Variants in ARHGEF10 observed in about 807,000 individuals in gnomAD.
ARHGEF10 encodes Rho guanine nucleotide exchange factor (GEF) 10.
A neutral mutation model predicts 147.4 loss-of-function variants in ARHGEF10; 140 were observed. That is an observed-to-expected ratio of 0.95 (90% CI 0.83 to 1.09). ARHGEF10 has a LOEUF of 1.09. Ranked by LOEUF, ARHGEF10 falls within the 50% of genes least tolerant of loss-of-function variation. The pLI is 0.00. For synonymous variants in ARHGEF10, 902 were observed against 695.8 expected, an observed-to-expected ratio of 1.30 and a Z score of -4.67; for missense variants, 2,222 against 1,752.7, an observed-to-expected ratio of 1.27 and a Z score of -4.78.
At chr8:1,896,548 C>T in intron 14 of ARHGEF10, 99 bp downstream of exon 14, 1 of 883,634 alleles carries the variant, frequency 1.1e-6, no homozygotes, top group Non-Finnish European at 1.9e-6. Context: ...ATTAAGATTT[C>T]AGTATCAATA....
chr8:1,859,846 T>A, intron 3 of ARHGEF10, 51 bp from the exon 4 acceptor site: 1 of 1,598,748 alleles, frequency 6.3e-7, no homozygotes, highest in Non-Finnish European at 8.6e-7. Flanking sequence ...AGGGCATGCC[T>A]GCCATGCCCT....
chr8:1,925,466 C>G (rs1428094824), intron 22 of ARHGEF10, 62 bp downstream of exon 22: 2 of 1,603,762 alleles, frequency 1.2e-6, no homozygotes, highest in Non-Finnish European at 1.7e-6. Flanking sequence ...GAATGGGCCA[C>G]TTGGGAGATG....
chr8:1,876,790 G>A, intron 8 of ARHGEF10, 56 bp downstream of exon 8: 3 of 1,583,122 alleles, frequency 1.9e-6, no homozygotes, highest in East Asian at 4.5e-5. Context: ...ACGGACAGGG[G>A]GCTGTGAATA....
intron 1 of ARHGEF10, among the ~76,000 whole-genome samples, chr8:1,842,637 G>A (rs1412746287): frequency 1.3e-5 from 2 of 152,214 alleles, no homozygotes; most frequent in Non-Finnish European, 2.9e-5. Flanking sequence ...CGAGGCAGCT[G>A]GAGAGTTCCC....
Position 1,889,378 on chromosome 8 carries a change from T to A in ARHGEF10, c.1182+3671T>A. ...GACACTGAGTGGGGTGAGGGGTATG[T>A]GAGGAGACAGTGATGTGAGGCATCT... On this transcript the variant is annotated intron_variant, in intron 11 of 28. Coordinates refer to ENST00000349830, the MANE Select transcript of ARHGEF10 (RefSeq NM_014629.4). 2.3e-5 allele frequency among the ~76,000 whole-genome samples: 2 copies of A among 86,752 alleles called. 1 individual carries two copies. Among genetic ancestry groups the A allele is most frequent in the African/African-American group, 1.1e-4 (2 of 19,040 alleles). 56.9% of individuals were successfully genotyped at this position (86,752 alleles called of 152,430 possible). A position where few individuals can be genotyped will look rare whatever the true frequency, so the allele number is the denominator to read the frequency against.
At chr8:1,833,025 GAC>G (rs1803310773) in intron 1 of ARHGEF10, among the ~76,000 whole-genome samples, 2 of 82,652 alleles carry the variant, frequency 2.4e-5, no homozygotes, top group African/African-American at 4.6e-5. Context: ...CAGAGGCAGA[GAC>G]AGGCAGAGAG....
intron 18 of ARHGEF10, among the ~76,000 whole-genome samples, chr8:1,913,653 G>A (rs1811540437): frequency 6.6e-6 from 1 of 152,184 alleles, no homozygotes; most frequent in African/African-American, 2.4e-5. Context: ...CCTAGAAGGG[G>A]CCCTGCAGCT....
Position 1,922,993 on chromosome 8 carries a change from T to C in ARHGEF10, c.2173T>C (p.Tyr725His). 6.2e-7 allele frequency: 1 copy of C among 1,613,574 alleles called. No homozygotes were observed. Among genetic ancestry groups the C allele is most frequent in the South Asian group, 1.1e-5 (1 of 91,050 alleles). ...NKVYMGPGQL[Y>H]QDLQNLLHDL... The stretch of plus-strand genomic sequence containing the variant: ...AGTTTACATGGGGCCAGGACAACTG[T>C]ATCAAGATTTACAAAACTTGTTGCA... Residue 725 changes from tyrosine (Y) to histidine (H), a missense_variant, in exon 19 of 29, where the codon TAT becomes CAT. Coordinates refer to ENST00000349830, the MANE Select transcript of ARHGEF10 (RefSeq NM_014629.4).
Position 1,858,132 on chromosome 8 carries a change from G to C in ARHGEF10, c.193+17G>C, listed in dbSNP as rs769692992. On this transcript the variant is annotated intron_variant, in intron 3 of 28. Transcript: ENST00000349830. ...CACCCACAGGTGAGTTTCCAGGAGG[G>C]TCCCCAGGTGAGTCCCCAGGTGGGT... 22 of 1,604,344 alleles carry C rather than the reference G, an allele frequency of 1.4e-5. 1 individual carries two copies. The highest frequency in any genetic ancestry group is 3.4e-5 in the Admixed American group (2 of 59,256).
intron 26 of ARHGEF10, among the ~76,000 whole-genome samples, chr8:1,936,772 C>T (rs981459797): frequency 3.3e-5 from 5 of 152,208 alleles, no homozygotes; most frequent in African/African-American, 4.8e-5. Context: ...CACACACTGA[C>T]GAGACCGGTT....
chr8:1,855,792 A>C (rs1805507135), intron 2 of ARHGEF10, among the ~76,000 whole-genome samples: 1 of 152,068 alleles, frequency 6.6e-6, no homozygotes, highest in Non-Finnish European at 1.5e-5. Flanking sequence ...CCCAAACGTG[A>C]ATTCTGTGGA....
chr8:1,848,111 A>C (rs1804696650), intron 2 of ARHGEF10, among the ~76,000 whole-genome samples: 3 of 152,200 alleles, frequency 2.0e-5, no homozygotes, highest in Admixed American at 6.5e-5. Context: ...TGTAGAATAA[A>C]TATTTCGCTA....
intron 1 of ARHGEF10, among the ~76,000 whole-genome samples, chr8:1,828,270 A>G (rs1367403909): frequency 1.3e-5 from 2 of 152,204 alleles, no homozygotes; most frequent in African/African-American, 2.4e-5. Flanking sequence ...AGACCCTTAC[A>G]CTTGGATGTG....
At chr8:1,942,749 C>CCTATA (rs1229330793) in intron 26 of ARHGEF10, among the ~76,000 whole-genome samples, 1 of 152,176 alleles carries the variant, frequency 6.6e-6, no homozygotes, top group Non-Finnish European at 1.5e-5. Context: ...GGATTGGTTT[C>CCTATA]AGCCATAGAA....
intron 26 of ARHGEF10, among the ~76,000 whole-genome samples, chr8:1,944,099 G>GC (rs1814342948): frequency 6.6e-6 from 1 of 151,424 alleles, no homozygotes; most frequent in Non-Finnish European, 1.5e-5. Flanking sequence ...CGGGACCCCA[G>GC]CCTCCCGCAC....
At chr8:1,932,506 A>G (rs1585589463) in intron 25 of ARHGEF10, among the ~76,000 whole-genome samples, 1 of 151,826 alleles carries the variant, frequency 6.6e-6, no homozygotes, top group Middle Eastern at 3.4e-3. Context: ...TGCATATGGC[A>G]TGTGCACGTG....
chr8:1,906,652 C>G (rs4376531), intron 17 of ARHGEF10, among the ~76,000 whole-genome samples: 37,934 of 151,932 alleles, frequency 0.25, 5,489 homozygotes, highest in African/African-American at 0.41. Context: ...GTGAACTGCA[C>G]ATCCACCTTC....
chr8:1,849,859 G>C (rs1804907949), intron 2 of ARHGEF10, among the ~76,000 whole-genome samples: 1 of 139,066 alleles, frequency 7.2e-6, no homozygotes, highest in Non-Finnish European at 1.5e-5. Flanking sequence ...CGTGGACACA[G>C]ACAGCAAATG....
At chr8:1,919,563 G>A (rs539099682) in intron 18 of ARHGEF10, among the ~76,000 whole-genome samples, 3 of 148,010 alleles carry the variant, frequency 2.0e-5, no homozygotes, top group African/African-American at 7.5e-5. Context: ...TGTTCTATGG[G>A]TGATGAGCTG....
Sources: allele counts gnomAD v4.1 joint callset (sites outside exome capture counted in the v4.1 genomes callset), GRCh38; gene constraint gnomAD v4.1.1; transcripts MANE v1.5; gene names NCBI Gene and HGNC (gene_info 2026-07-23, HGNC 2026-07-21).